Variants in GAB2 observed in about 807,000 individuals in gnomAD.
GAB2 encodes the protein GRB2-associated-binding protein 2.
In GAB2, 26 loss-of-function variants were observed where a neutral mutation model predicts 65.5. That is an observed-to-expected ratio of 0.40 (90% CI 0.29 to 0.55). The LOEUF is 0.55. Ranked by LOEUF, GAB2 falls within the 20% of genes least tolerant of loss-of-function variation. The pLI is 0.53. For synonymous variants in GAB2, 321 were observed against 329.6 expected, an observed-to-expected ratio of 0.97 and a Z score of 0.28; for missense variants, 884 against 875.8, an observed-to-expected ratio of 1.01 and a Z score of -0.12.
Position 78,336,326 on chromosome 11 carries a change from C to CAAAAAAAAA in GAB2, c.76-55434_76-55426dup, listed in dbSNP as rs71046966. On this transcript the variant is annotated intron_variant, in intron 1 of 9. Coordinates refer to ENST00000361507, the MANE Select transcript of GAB2 (RefSeq NM_080491.3). ...CGGGCGACAGAGCGAGACTGTCTCT[C>CAAAAAAAAA]AAAAAAAAAAAAAAAAAAAAAAAAA... Among the ~76,000 whole-genome samples the CAAAAAAAAA allele has an allele frequency of 3.1e-4, 6 of 19,256 alleles. 1 individual carries two copies. The highest frequency in any genetic ancestry group is 4.7e-3 in the East Asian group (2 of 430). 12.6% of individuals were successfully genotyped at this position (19,256 alleles called of 152,430 possible).
At chr11:78,220,995 T>G (rs1024488166) in intron 8 of GAB2, among the ~76,000 whole-genome samples, 2 of 152,144 alleles carry the variant, frequency 1.3e-5, no homozygotes, top group South Asian at 4.1e-4. Context: ...TCCTCCAAGA[T>G]CTGAAGAGGG....
chr11:78,216,914 C>T lies in GAB2; in HGVS notation c.*2358G>A, dbSNP rs1328691165. The T allele has an allele frequency of 6.6e-6, 1 of 152,326 alleles. No homozygotes were observed. The highest frequency in any genetic ancestry group is 1.5e-5 in the Non-Finnish European group (1 of 68,136). The allele number at this position is 152,326 out of a possible 1,614,324, so 9.4% of individuals were successfully genotyped here. On this transcript the variant is annotated 3_prime_UTR_variant, in exon 10 of 10. Coordinates refer to ENST00000361507, the MANE Select transcript of GAB2 (RefSeq NM_080491.3). The stretch of plus-strand genomic sequence containing the variant: ...CCCAGTGTAGCTACCACCACTGCTT[C>T]CATTCACTTATTGGAACACCAAGGC...
chr11:78,369,653 A>G (rs953557591), intron 1 of GAB2, among the ~76,000 whole-genome samples: 1 of 152,258 alleles, frequency 6.6e-6, no homozygotes, highest in Non-Finnish European at 1.5e-5. Context: ...TATATCTTAC[A>G]TACCAACAAG....
At chr11:78,307,350 T>C (rs1855384980) in intron 1 of GAB2, among the ~76,000 whole-genome samples, 1 of 152,136 alleles carries the variant, frequency 6.6e-6, no homozygotes, top group Admixed American at 6.5e-5. Flanking sequence ...AGCCTGAAAA[T>C]TATTTTTGTT....
intron 2 of GAB2, among the ~76,000 whole-genome samples, chr11:78,268,374 G>A (rs939787457): frequency 2.0e-5 from 3 of 152,050 alleles, no homozygotes; most frequent in Admixed American, 6.6e-5. Context: ...CCTACGTAGC[G>A]CTACACATAA....
chr11:78,309,971 T>TGTGTGTGTGTGTGTGCGCGCGCGC (rs1421836447), intron 1 of GAB2, among the ~76,000 whole-genome samples: 4 of 120,090 alleles, frequency 3.3e-5, no homozygotes, highest in African/African-American at 1.4e-4. Context: ...TGTGTGTGTG[T>TGTGTGTGTGTGTGTGCGCGCGCGC]GCGCGCGCGC....
chr11:78,220,259 T>C, intron 9 of GAB2, 60 bp downstream of exon 9: 3 of 1,597,588 alleles, frequency 1.9e-6, no homozygotes, highest in Non-Finnish European at 2.6e-6. Flanking sequence ...CTGGCCTCCA[T>C]GATCTCTGCC....
intron 1 of GAB2, among the ~76,000 whole-genome samples, chr11:78,315,619 T>C (rs1855587414): frequency 6.6e-6 from 1 of 152,234 alleles, no homozygotes; most frequent in South Asian, 2.1e-4. Context: ...CAATGTTTTC[T>C]TGGATGTGAC....
chr11:78,352,511 G>T (rs1856294954), intron 1 of GAB2, among the ~76,000 whole-genome samples: 1 of 152,038 alleles, frequency 6.6e-6, no homozygotes, highest in Non-Finnish European at 1.5e-5. Context: ...ACACTTTTTG[G>T]GTCACTCACT....
At chr11:78,222,510 G>T (rs1437092786) in intron 6 of GAB2, among the ~76,000 whole-genome samples, 1 of 148,196 alleles carries the variant, frequency 6.7e-6, no homozygotes, top group Admixed American at 6.7e-5. Flanking sequence ...AAAAATAAAA[G>T]ACTATATATA....
At chr11:78,250,035 AG>A in intron 3 of GAB2, 121 bp downstream of exon 3, 1 of 1,010,026 alleles carries the variant, frequency 9.9e-7, no homozygotes, top group Non-Finnish European at 1.5e-6. Context: ...GTTTTGTCAT[AG>A]ACGTGTTTGT....
intron 3 of GAB2, among the ~76,000 whole-genome samples, chr11:78,234,491 T>G (rs1864934113): frequency 1.3e-5 from 2 of 151,756 alleles, no homozygotes; most frequent in South Asian, 4.1e-4. Flanking sequence ...TATTCCTATA[T>G]GAATGTCAAG....
At chr11:78,254,276 G>A (rs1187428506) in intron 2 of GAB2, among the ~76,000 whole-genome samples, 1 of 152,156 alleles carries the variant, frequency 6.6e-6, no homozygotes, top group Non-Finnish European at 1.5e-5. Flanking sequence ...GCCATGGTAT[G>A]TATTCAATAC....
chr11:78,266,384 A>C (rs1003761534), intron 2 of GAB2, among the ~76,000 whole-genome samples: 1 of 152,026 alleles, frequency 6.6e-6, no homozygotes, highest in Admixed American at 6.6e-5. Context: ...CAGCCTCAAT[A>C]AACTGTCTCC....
intron 1 of GAB2, among the ~76,000 whole-genome samples, chr11:78,282,890 A>C (rs1311483022): frequency 1.3e-5 from 2 of 152,114 alleles, no homozygotes; most frequent in African/African-American, 2.4e-5. Flanking sequence ...TATTTCTGCG[A>C]TCCATTATCA....
chr11:78,400,285 C>T (rs1161920978), intron 1 of GAB2, among the ~76,000 whole-genome samples: 1 of 152,200 alleles, frequency 6.6e-6, no homozygotes, highest in Non-Finnish European at 1.5e-5. Flanking sequence ...TTCCAGGAAG[C>T]CCCTCCAACT....
intron 4 of GAB2, among the ~76,000 whole-genome samples, chr11:78,225,610 G>A (rs1864614625): frequency 1.3e-5 from 2 of 152,350 alleles, no homozygotes; most frequent in African/African-American, 4.8e-5. Context: ...TTTTATGTAT[G>A]TCTTTATCAT....
chr11:78,283,868 G>A (rs1014612582), intron 1 of GAB2, among the ~76,000 whole-genome samples: 1 of 151,208 alleles, frequency 6.6e-6, no homozygotes, highest in African/African-American at 2.4e-5. Context: ...ATGCCCCAAT[G>A]CTCAGTTCTG....
At chr11:78,296,606 A>C (rs79941708) in intron 1 of GAB2, among the ~76,000 whole-genome samples, 7,166 of 152,262 alleles carry the variant, frequency 0.047, 545 homozygotes, top group African/African-American at 0.16. Flanking sequence ...ATGACAAAGA[A>C]GACACTTGTT....
Sources: allele counts gnomAD v4.1 joint callset (sites outside exome capture counted in the v4.1 genomes callset), GRCh38; gene constraint gnomAD v4.1.1; transcripts MANE v1.5; gene names NCBI Gene and HGNC (gene_info 2026-07-23, HGNC 2026-07-21).